The following CDK15 variants were observed in gnomAD, a reference collection of about 807,000 sequenced individuals.
CDK15 encodes cyclin dependent kinase 15.
In CDK15, 62 loss-of-function variants were observed where a neutral mutation model predicts 60.3. The ratio of observed to expected loss-of-function variants is 1.03; its 90% confidence interval spans 0.84 to 1.27. The LOEUF is 1.27. Ranked by LOEUF, CDK15 falls within the 50% of genes most tolerant of loss-of-function variation. CDK15 has a pLI of 0.00. For missense variants in CDK15, 541 were observed against 527.8 expected, an observed-to-expected ratio of 1.03 and a Z score of -0.25; for synonymous variants, 194 against 195.7, an observed-to-expected ratio of 0.99 and a Z score of 0.07.
chr2:201,826,266 C>T (rs1037573577), intron 6 of CDK15, among the ~76,000 whole-genome samples: 2 of 152,044 alleles, frequency 1.3e-5, no homozygotes, highest in African/African-American at 4.8e-5. Context: ...CAAGACCATC[C>T]TGGTTAACAC....
chr2:201,836,102 T>TA (rs1559126313), intron 8 of CDK15, among the ~76,000 whole-genome samples: 13 of 123,126 alleles, frequency 1.1e-4, no homozygotes, highest in African/African-American at 3.8e-4. Flanking sequence ...TTATATATAT[T>TA]TATATATTTA....
chr2:201,809,889 G>A (rs2052247), intron 3 of CDK15, among the ~76,000 whole-genome samples: 6 of 151,608 alleles, frequency 4.0e-5, no homozygotes, highest in African/African-American at 1.5e-4. Flanking sequence ...ACTCCCCCTC[G>A]CCATCAGATT....
chr2:201,835,845 C>A (rs1033596928), intron 8 of CDK15, 82 bp downstream of exon 8: 5 of 1,067,526 alleles, frequency 4.7e-6, no homozygotes, highest in Non-Finnish European at 6.0e-6. Context: ...AATAATAATT[C>A]TAAAAATGGC....
Position 201,830,720 on chromosome 2 carries a change from C to T in CDK15, c.607-3128C>T, listed in dbSNP as rs760507413. Among the ~76,000 whole-genome samples, 5 of 152,018 alleles carry T rather than the reference C, an allele frequency of 3.3e-5. No homozygotes were observed. The South Asian group carries it at 6.2e-4, about 19-fold the overall frequency. ...AGGGATTGAGAGTTCAGTGAATGAC[C>T]GCTAAAAGAAGAGTAATGGAAGATG... On this transcript the variant is annotated intron_variant, in intron 6 of 13. Coordinates refer to ENST00000652192, the MANE Select transcript of CDK15 (RefSeq NM_001366386.2).
intron 10 of CDK15, chr2:201,861,433 C>T (rs1698386534): frequency 1.0e-6 from 1 of 985,300 alleles, no homozygotes; most frequent in Non-Finnish European, 1.2e-6. Flanking sequence ...TTGTATCCCT[C>T]TGTCTCATTT....
rs144726331 is a variant in CDK15, at chr2:201,880,101, G to T, written c.1132G>T (p.Ala378Ser). 1 of 1,613,962 alleles carries T rather than the reference G, an allele frequency of 6.2e-7. No individual in the cohort carries two copies. Among genetic ancestry groups the T allele is most frequent in the Non-Finnish European group, 8.5e-7 (1 of 1,180,014 alleles). Residue 378 changes from alanine (A) to serine (S), a missense_variant, in exon 12 of 14, where the codon GCC becomes TCC. Transcript: ENST00000652192. ...LKGFPRDRVS[A>S]QEALVHDYFS... The stretch of plus-strand genomic sequence containing the variant: ...AGGCTTTCCCAGAGACCGCGTCTCC[G>T]CCCAGGAAGCACTTGTTCATGATTA...
chr2:201,823,860 G>T (rs1226656002), intron 6 of CDK15, 133 bp downstream of exon 6: 1 of 672,868 alleles, frequency 1.5e-6, no homozygotes, highest in Non-Finnish European at 2.4e-6. Context: ...CCAGAAAAAA[G>T]TTTTGTTTTG....
At chr2:201,890,526 C>T (rs1699608310) in intron 12 of CDK15, among the ~76,000 whole-genome samples, 1 of 152,190 alleles carries the variant, frequency 6.6e-6, no homozygotes, top group African/African-American at 2.4e-5. Context: ...CTATTTTTAT[C>T]ATCTTCAACA....
chr2:201,863,975 G>A (rs930335947), intron 10 of CDK15, among the ~76,000 whole-genome samples: 6 of 152,026 alleles, frequency 3.9e-5, no homozygotes, highest in Non-Finnish European at 5.9e-5. Context: ...TTACTTTAAC[G>A]TTTTTAAAGT....
chr2:201,887,869 A>T (rs1186353128), intron 12 of CDK15, among the ~76,000 whole-genome samples: 1 of 152,192 alleles, frequency 6.6e-6, no homozygotes, highest in Non-Finnish European at 1.5e-5. Context: ...CTATACATAC[A>T]CATGAGCTAA....
At chr2:201,883,275 G>T (rs1033838700) in intron 12 of CDK15, among the ~76,000 whole-genome samples, 2 of 152,102 alleles carry the variant, frequency 1.3e-5, no homozygotes, top group East Asian at 3.9e-4. Context: ...CTTATTGTCT[G>T]CCCTCTAAAG....
At position 201,806,618 on chromosome 2, in the gene CDK15, T is replaced by C. The variant is rs757446703; in HGVS notation, c.-47T>C. 5 of 1,522,590 alleles carry C rather than the reference T, an allele frequency of 3.3e-6. No homozygotes were observed. 94.3% of individuals were successfully genotyped at this position (1,522,590 alleles called of 1,614,324 possible). The stretch of plus-strand genomic sequence containing the variant: ...GAGAGAACAAGGATAGGAGAGGCAG[T>C]GGGGGAAAGGTTCAAGTGCGGGTTT... On this transcript the variant is annotated 5_prime_UTR_variant, in exon 1 of 14. Coordinates refer to ENST00000652192, the MANE Select transcript of CDK15 (RefSeq NM_001366386.2).
At chr2:201,845,991 T>G (rs1394176379) in intron 8 of CDK15, among the ~76,000 whole-genome samples, 1 of 152,082 alleles carries the variant, frequency 6.6e-6, no homozygotes, top group Non-Finnish European at 1.5e-5. Context: ...TCTTACTCCT[T>G]CCTGTCCCTC....
intron 9 of CDK15, among the ~76,000 whole-genome samples, chr2:201,850,792 C>T (rs1396177794): frequency 6.6e-6 from 1 of 152,164 alleles, no homozygotes; most frequent in African/African-American, 2.4e-5. Flanking sequence ...ACATTCTTGC[C>T]AACACCTCTT....
intron 8 of CDK15, 43 bp from the exon 9 acceptor site, chr2:201,847,338 G>A (rs1451051287): frequency 6.4e-7 from 1 of 1,557,482 alleles, no homozygotes; most frequent in Non-Finnish European, 8.8e-7. Context: ...TCGCTTGTAT[G>A]ATTTCTTTCA....
intron 6 of CDK15, among the ~76,000 whole-genome samples, chr2:201,833,211 A>AGGG (rs138633087): frequency 1.3e-4 from 18 of 140,964 alleles, no homozygotes; most frequent in South Asian, 4.6e-4. Context: ...ATTTTTTTTG[A>AGGG]GGGGGGGGGT....
chr2:201,858,242 G>A (rs948998749), intron 10 of CDK15, among the ~76,000 whole-genome samples: 1 of 152,170 alleles, frequency 6.6e-6, no homozygotes, highest in Admixed American at 6.5e-5. Context: ...TGATGAGCAG[G>A]GTTGTAAGTT....
chr2:201,860,109 C>T (rs764817730), intron 10 of CDK15, among the ~76,000 whole-genome samples: 17 of 152,326 alleles, frequency 1.1e-4, no homozygotes, highest in Admixed American at 5.9e-4. Context: ...TCTGTCATAG[C>T]TCTGTTTGCT....
At chr2:201,820,220 G>A (rs1051437384) in intron 4 of CDK15, among the ~76,000 whole-genome samples, 1 of 152,020 alleles carries the variant, frequency 6.6e-6, no homozygotes, top group African/African-American at 2.4e-5. Flanking sequence ...AAATTTATGA[G>A]ATAATTTATA....
Sources: allele counts gnomAD v4.1 joint callset (sites outside exome capture counted in the v4.1 genomes callset), GRCh38; gene constraint gnomAD v4.1.1; transcripts MANE v1.5; gene names NCBI Gene and HGNC (gene_info 2026-07-23, HGNC 2026-07-21).